The following PGBD5 variants were observed in gnomAD, a reference collection of about 807,000 sequenced individuals.
The protein encoded by PGBD5 is piggyBac transposable element derived 5, also known as piggyBac transposable element-derived protein 5.
Under a neutral mutation model 47.9 loss-of-function variants are expected in PGBD5, and 14 were observed. That is an observed-to-expected ratio of 0.29 (90% CI 0.19 to 0.46). PGBD5 has a LOEUF of 0.46. PGBD5 is among the 20% of genes least tolerant of loss of function. The pLI is 1.00. For missense variants in PGBD5, 635 were observed against 716.0 expected, an observed-to-expected ratio of 0.89 and a Z score of 1.29; for synonymous variants, 316 against 306.3, an observed-to-expected ratio of 1.03 and a Z score of -0.33.
At chr1:230,396,367 C>T (rs1240760578) in intron 1 of PGBD5, among the ~76,000 whole-genome samples, 1 of 142,516 alleles carries the variant, frequency 7.0e-6, no homozygotes, top group Non-Finnish European at 1.5e-5. Context: ...TCTTCACCCT[C>T]CTCCCCCTTT....
Position 230,362,966 on chromosome 1 carries a change from G to A in PGBD5, c.332-5645C>T, listed in dbSNP as rs191858179. On this transcript the variant is annotated intron_variant, in intron 1 of 6. Coordinates refer to ENST00000391860, the MANE Select transcript of PGBD5 (RefSeq NM_001258311.2). ...TGAAAGTACAGTGGGCACACCTCTC[G>A]GTCACATCCCTGAGGATGCCCACGC... is the stretch of plus-strand genomic sequence containing the variant. 8.5e-5 allele frequency among the ~76,000 whole-genome samples: 13 copies of A among 152,232 alleles called. No homozygotes were observed. In the East Asian group the frequency reaches 1.9e-3, roughly 23 times the overall value.
intron 1 of PGBD5, among the ~76,000 whole-genome samples, chr1:230,403,593 C>T (rs1186770965): frequency 6.6e-6 from 1 of 152,252 alleles, no homozygotes; most frequent in Non-Finnish European, 1.5e-5. Flanking sequence ...GGAGGAAAAC[C>T]AGCCCCATCC....
intron 1 of PGBD5, among the ~76,000 whole-genome samples, chr1:230,394,004 C>G (rs914904509): frequency 2.0e-5 from 3 of 152,076 alleles, no homozygotes; most frequent in Non-Finnish European, 4.4e-5. Flanking sequence ...TCATTCCGCC[C>G]CTGACTGGGC....
At chr1:230,355,963 TAG>T (rs755243394) in intron 2 of PGBD5, among the ~76,000 whole-genome samples, 1 of 152,058 alleles carries the variant, frequency 6.6e-6, no homozygotes, top group Non-Finnish European at 1.5e-5. Context: ...AGGCACGCTA[TAG>T]AGAGTTAGAG....
At chr1:230,331,360 GAGC>G (rs1667212120) in intron 5 of PGBD5, among the ~76,000 whole-genome samples, 1 of 152,132 alleles carries the variant, frequency 6.6e-6, no homozygotes, top group African/African-American at 2.4e-5. Flanking sequence ...AGGCTGCAGT[GAGC>G]TATGATAGCA....
chr1:230,426,164 CG>C lies in PGBD5; in HGVS notation c.-237del, dbSNP rs1558218697. On this transcript the variant is annotated 5_prime_UTR_variant, in exon 1 of 7. Coordinates refer to ENST00000391860, the MANE Select transcript of PGBD5 (RefSeq NM_001258311.2). ...GCCGCGGCGGGAGGCGAGCCGCGCG[CG>C]GGGCTGGCAGGGGCGACCCAGAGCG... The C allele has an allele frequency of 1.4e-5, 2 of 147,208 alleles. No homozygotes were observed. Among genetic ancestry groups the C allele is most frequent in the Admixed American group, 6.8e-5 (1 of 14,710 alleles). 9.1% of individuals were successfully genotyped at this position (147,208 alleles called of 1,614,324 possible).
intron 1 of PGBD5, among the ~76,000 whole-genome samples, chr1:230,419,558 A>G (rs1333377988): frequency 6.6e-6 from 1 of 152,126 alleles, no homozygotes; most frequent in Non-Finnish European, 1.5e-5. Flanking sequence ...GTCTAAAATA[A>G]AAGGTGAAAA....
At chr1:230,407,599 AC>A (rs1277677279) in intron 1 of PGBD5, among the ~76,000 whole-genome samples, 2 of 152,132 alleles carry the variant, frequency 1.3e-5, no homozygotes, top group Non-Finnish European at 2.9e-5. Context: ...GGGTAATCAA[AC>A]TGATGTGTCA....
At chr1:230,356,808 AC>A in intron 2 of PGBD5, 85 bp downstream of exon 2, 1 of 1,428,980 alleles carries the variant, frequency 7.0e-7, no homozygotes, top group Non-Finnish European at 9.5e-7. Context: ...GGCAGGAAGG[AC>A]ACCCCAAAGC....
intron 1 of PGBD5, among the ~76,000 whole-genome samples, chr1:230,385,793 T>C (rs1656624101): frequency 6.6e-6 from 1 of 152,124 alleles, no homozygotes; most frequent in Non-Finnish European, 1.5e-5. Flanking sequence ...CATCACATAG[T>C]ACACAAGTGT....
At chr1:230,346,520 G>A (rs573921987) in intron 3 of PGBD5, among the ~76,000 whole-genome samples, 9 of 152,328 alleles carry the variant, frequency 5.9e-5, no homozygotes, top group South Asian at 4.1e-4. Flanking sequence ...GGCATTGGCT[G>A]TGGCCTCATC....
chr1:230,335,658 GACAC>G (rs1166575966), intron 4 of PGBD5, among the ~76,000 whole-genome samples: 1 of 76,832 alleles, frequency 1.3e-5, no homozygotes, highest in African/African-American at 3.9e-5. Flanking sequence ...CGCACAAACA[GACAC>G]ACACAGATAC....
intron 1 of PGBD5, among the ~76,000 whole-genome samples, chr1:230,416,385 T>G (rs1657513219): frequency 6.6e-6 from 1 of 152,236 alleles, no homozygotes; most frequent in South Asian, 2.1e-4. Context: ...TACTTCTGCG[T>G]CCATCTATTC....
chr1:230,355,424 T>C (rs911782877), intron 2 of PGBD5, among the ~76,000 whole-genome samples: 3 of 152,222 alleles, frequency 2.0e-5, no homozygotes, highest in Non-Finnish European at 4.4e-5. Context: ...GCGGCACCTC[T>C]CCAAATGTTT....
intron 1 of PGBD5, among the ~76,000 whole-genome samples, chr1:230,403,867 C>T (rs112019142): frequency 0.077 from 11,736 of 152,194 alleles, 644 homozygotes; most frequent in South Asian, 0.22. Flanking sequence ...GACACACCCC[C>T]AGAAAGAGGG....
chr1:230,425,161 C>G lies in PGBD5; in HGVS notation c.331+437G>C, dbSNP rs907999124. ...CTCCTACCTGCCTCGCCCGCGTCAC[C>G]TGCTGTAAGGCTTGCTCTTGGGCTG... On this transcript the variant is annotated intron_variant, in intron 1 of 6. Coordinates refer to ENST00000391860, the MANE Select transcript of PGBD5 (RefSeq NM_001258311.2). This position sits in a 1 kb window ranked among gnomAD's most constrained non-coding sequence, Gnocchi z 4.7. 8.6e-5 allele frequency among the ~76,000 whole-genome samples: 13 copies of G among 151,264 alleles called. No individual in the cohort carries two copies. The highest frequency in any genetic ancestry group is 1.9e-4 in the Non-Finnish European group (13 of 67,858).
intron 5 of PGBD5, among the ~76,000 whole-genome samples, chr1:230,328,225 CA>C (rs1667154726): frequency 6.6e-6 from 1 of 152,234 alleles, no homozygotes; most frequent in Admixed American, 6.5e-5. Context: ...CAATCTACCT[CA>C]CCACGGGACA....
In PGBD5 at chr1:230,323,535, G is replaced by C; in HGVS notation, c.1465C>G (p.Leu489Val). The part of the protein sequence containing the change: ...ISIAINNAYI[L>V]YKMSDAYHVK... ...TGGTAGGCGTCTGACATTTTGTACA[G>C]GATGTAGGCATTGTTGATGGCGATG... The change falls in exon 7 of 7, where the codon CTG becomes GTG. Residue 489 changes from leucine (L) to valine (V), a missense_variant. Physicochemically the swap from Leu to Val is conservative, Grantham distance 32 (BLOSUM62 1). Transcript: ENST00000391860. The surrounding 1 kb of genome is among the most constrained non-coding windows in gnomAD (Gnocchi z 4.1). 1.2e-6 allele frequency: 2 copies of C among 1,614,198 alleles called. No individual in the cohort carries two copies. The highest frequency in any genetic ancestry group is 1.7e-6 in the Non-Finnish European group (2 of 1,180,034).
In PGBD5 at chr1:230,323,223, G is replaced by C; in HGVS notation, c.*202C>G. On this transcript the variant is annotated 3_prime_UTR_variant, in exon 7 of 7. Transcript: ENST00000391860. The surrounding 1 kb of genome is among the most constrained non-coding windows in gnomAD (Gnocchi z 4.1). ...ACCGGCGGCACTGTTTCTCGAGGGA[G>C]GACATGCTCTTCTTGGAATGCAAAT... 1 of 589,478 alleles carries C rather than the reference G, an allele frequency of 1.7e-6. No individual in the cohort carries two copies. The highest frequency in any genetic ancestry group is 2.9e-6 in the Non-Finnish European group (1 of 340,762). 36.5% of individuals were successfully genotyped at this position (589,478 alleles called of 1,614,324 possible).
Sources: allele counts gnomAD v4.1 joint callset (sites outside exome capture counted in the v4.1 genomes callset), GRCh38; gene constraint gnomAD v4.1.1; non-coding constraint Gnocchi (gnomAD v3.1); transcripts MANE v1.5; gene names NCBI Gene and HGNC (gene_info 2026-07-23, HGNC 2026-07-21).